The following VPS13A variants were observed in gnomAD, a reference collection of about 807,000 sequenced individuals.
The protein encoded by VPS13A is vacuolar protein sorting 13 homolog A, also known as intermembrane lipid transfer protein VPS13A.
Under a neutral mutation model 390.9 loss-of-function variants are expected in VPS13A, and 264 were observed. The observed-to-expected ratio is 0.68, with a 90% CI of 0.61 to 0.75. The LOEUF (loss-of-function observed/expected upper bound fraction) is 0.75. Among genes scored for constraint, VPS13A ranks in the 30% least tolerant of loss-of-function variants. VPS13A has a pLI of 0.00. For synonymous variants in VPS13A, 1,231 were observed against 1,227.1 expected (o/e 1.00, Z -0.07); for missense variants, 3,409 against 3,733.9 (o/e 0.91, Z 2.27).
At chr9:77,202,355 CAT>C (rs1488362814) in intron 3 of VPS13A, among the ~76,000 whole-genome samples, 2 of 152,028 alleles carry the variant, frequency 1.3e-5, no homozygotes, top group Non-Finnish European at 2.9e-5. Context: ...TGATTATTTA[CAT>C]GTGTACATTT....
chr9:77,398,545 G>A (rs1834215096), intron 68 of VPS13A, among the ~76,000 whole-genome samples: 1 of 152,104 alleles, frequency 6.6e-6, no homozygotes, highest in Non-Finnish European at 1.5e-5. Flanking sequence ...CCCCAAAAAT[G>A]ATGTTTTGAG....
Position 77,295,743 on chromosome 9 carries a change from A to G in VPS13A, c.3709A>G (p.Ile1237Val). The G allele has an allele frequency of 3.7e-6, 6 of 1,614,014 alleles. No individual in the cohort carries two copies. The highest frequency in any genetic ancestry group is 5.1e-6 in the Non-Finnish European group (6 of 1,179,952). ...TGTTTTTGTTGCTGATTTTGGACTA[A>G]TTACAATGACAAATACCTTTCATAT... ...ENVFVADFGL[I>V]TMTNTFHMIT... Residue 1237 changes from isoleucine (I) to valine (V), a missense_variant, in exon 33 of 72, where the codon ATT (isoleucine) becomes GTT (valine). Around this residue, in one of 5 missense-constraint regions of VPS13A, gnomAD observed 2,717 missense variants for 2,917.4 expected, o/e 0.93. Coordinates refer to ENST00000360280, the MANE Select transcript of VPS13A (RefSeq NM_033305.3).
intron 52 of VPS13A, among the ~76,000 whole-genome samples, chr9:77,350,678 T>G (rs1414212153): frequency 6.6e-6 from 1 of 152,148 alleles, no homozygotes; most frequent in Non-Finnish European, 1.5e-5. Context: ...TTCCTAGATA[T>G]GTGTTAGGGT....
intron 17 of VPS13A, among the ~76,000 whole-genome samples, chr9:77,233,920 T>C (rs927146056): frequency 6.6e-5 from 10 of 152,158 alleles, no homozygotes; most frequent in African/African-American, 2.4e-4. Flanking sequence ...TATAATGTTG[T>C]TTAGGTTCTC....
At chr9:77,406,362 C>T (rs1834608701) in intron 70 of VPS13A, among the ~76,000 whole-genome samples, 1 of 152,102 alleles carries the variant, frequency 6.6e-6, no homozygotes, top group African/African-American at 2.4e-5. Flanking sequence ...TCTCTTATCT[C>T]TTTGATTTCT....
intron 1 of VPS13A, among the ~76,000 whole-genome samples, chr9:77,183,167 C>T (rs1337053214): frequency 3.3e-5 from 5 of 152,130 alleles, no homozygotes; most frequent in Non-Finnish European, 7.4e-5. Context: ...TCTCCATATA[C>T]CCATTATCTA....
chr9:77,350,586 G>T (rs1223380590), intron 52 of VPS13A, among the ~76,000 whole-genome samples: 4 of 152,024 alleles, frequency 2.6e-5, no homozygotes, highest in Non-Finnish European at 5.9e-5. Flanking sequence ...AATTGTATAG[G>T]TATTGTGCCA....
intron 33 of VPS13A, among the ~76,000 whole-genome samples, chr9:77,296,788 T>G (rs948330948): frequency 1.3e-5 from 2 of 152,180 alleles, no homozygotes; most frequent in Non-Finnish European, 2.9e-5. Flanking sequence ...CCATCTCGTC[T>G]TAGAGTTTGC....
intron 34 of VPS13A, among the ~76,000 whole-genome samples, chr9:77,305,982 T>G (rs1016819169): frequency 2.6e-5 from 4 of 152,152 alleles, no homozygotes; most frequent in African/African-American, 9.7e-5. Flanking sequence ...GTATTTGAGG[T>G]GCATGCGATA....
intron 45 of VPS13A, among the ~76,000 whole-genome samples, chr9:77,325,208 T>A (rs958361772): frequency 6.6e-6 from 1 of 152,186 alleles, no homozygotes; most frequent in Non-Finnish European, 1.5e-5. Flanking sequence ...TATGAGAATC[T>A]AATGCTCTGG....
rs1203562683 is a variant in VPS13A, at chr9:77,282,105, C to T, written c.2965-16C>T. 9.9e-6 allele frequency: 16 copies of T among 1,612,448 alleles called. No homozygotes were observed. The Middle Eastern group carries it at 6.7e-4, about 67-fold the overall frequency. ...ATATTTATTGACCTATCACTAAAAT[C>T]AGCTTTGTTCTTTAGGTAAATTTTT... On this transcript the variant is annotated splice_polypyrimidine_tract_variant and intron_variant, in intron 28 of 71. Transcript: ENST00000360280.
chr9:77,299,914 G>A, intron 33 of VPS13A, among the ~76,000 whole-genome samples: 1 of 151,978 alleles, frequency 6.6e-6, no homozygotes, highest in East Asian at 1.9e-4. Flanking sequence ...ACATCACACA[G>A]CGGGGCCTGT....
At chr9:77,386,604 AAAT>A (rs1223864319) in intron 68 of VPS13A, among the ~76,000 whole-genome samples, 6 of 152,144 alleles carry the variant, frequency 3.9e-5, no homozygotes, top group African/African-American at 1.4e-4. Context: ...AAAATATTTT[AAAT>A]AATATGCTAG....
At chr9:77,179,595 C>T (rs1817349090) in intron 1 of VPS13A, among the ~76,000 whole-genome samples, 2 of 151,778 alleles carry the variant, frequency 1.3e-5, no homozygotes, top group South Asian at 2.1e-4. Context: ...TAAATAAAGC[C>T]GTCATAAACA....
chr9:77,398,155 T>G (rs1834196108), intron 68 of VPS13A, among the ~76,000 whole-genome samples: 1 of 152,182 alleles, frequency 6.6e-6, no homozygotes, highest in African/African-American at 2.4e-5. Context: ...CACTAAATTA[T>G]TTGAATACTG....
chr9:77,270,255 A>T (rs113821914), intron 23 of VPS13A, among the ~76,000 whole-genome samples: 1 of 152,210 alleles, frequency 6.6e-6, no homozygotes, highest in African/African-American at 2.4e-5. Context: ...TAAATTATTG[A>T]TATAAAATAT....
intron 44 of VPS13A, among the ~76,000 whole-genome samples, chr9:77,322,358 C>T (rs1386786654): frequency 1.3e-5 from 2 of 151,846 alleles, no homozygotes; most frequent in African/African-American, 4.8e-5. Flanking sequence ...GCCTCACCTA[C>T]ACCACTTTTT....
chr9:77,225,242 T>C (rs1823439576), intron 13 of VPS13A, among the ~76,000 whole-genome samples: 1 of 152,148 alleles, frequency 6.6e-6, no homozygotes, highest in South Asian at 2.1e-4. Context: ...GCTGTACACA[T>C]AATATGAAGG....
At chr9:77,317,578 T>G (rs1378907268) in intron 39 of VPS13A, 28 bp from the exon 40 acceptor site, 1 of 1,490,226 alleles carries the variant, frequency 6.7e-7, no homozygotes, top group Non-Finnish European at 9.2e-7. Context: ...TAAACATTAA[T>G]TTAGTGGTAT....
Sources: gnomAD v4.1 joint callset for allele counts (sites outside exome capture counted in the v4.1 genomes callset) on GRCh38, gnomAD v4.1.1 for gene constraint, gnomAD v4.1.1 regional missense constraint, MANE v1.5 for transcripts, NCBI Gene and HGNC (gene_info 2026-07-23, HGNC 2026-07-21) for gene names.